DNAJC5: variants seen among roughly 807,000 people sequenced by gnomAD.
DNAJC5 encodes the protein DnaJ heat shock protein family (Hsp40) member C5, also known as dnaJ homolog subfamily C member 5.
Under a neutral mutation model 23.2 loss-of-function variants are expected in DNAJC5, and 1 was observed. The ratio of observed to expected loss-of-function variants is 0.04; its 90% CI spans 0.02 to 0.20. The LOEUF is 0.20. Among genes scored for constraint, DNAJC5 ranks in the 10% least tolerant of loss-of-function variants. DNAJC5 has a pLI of 1.00. For missense variants in DNAJC5, 180 were observed against 267.0 expected (o/e 0.67, Z 2.27); for synonymous variants, 136 against 120.0 (o/e 1.13, Z -0.87).
Position 63,932,719 on chromosome 20 carries a change from C to T in DNAJC5, c.*1151C>T, listed in dbSNP as rs1415336961. ...GGACTGACTGGACCAGAGGGACCCT[C>T]TGGCTCAGGAGGGTTGGGTCCCTGG... On this transcript the variant is annotated 3_prime_UTR_variant, in exon 5 of 5. Transcript: ENST00000360864. The surrounding 1 kb of genome is among the most constrained non-coding windows in gnomAD (Gnocchi z 4.4). The T allele has an allele frequency of 6.6e-6, 1 of 152,428 alleles. No homozygotes were observed. The highest frequency in any genetic ancestry group is 1.9e-4 in the East Asian group (1 of 5,274). The allele number at this position is 152,428 out of a possible 1,614,324, so 9.4% of individuals were successfully genotyped here. A position where few individuals can be genotyped will look rare whatever the true frequency, so the allele number is the denominator to read the frequency against.
rs1211748744 is a variant in DNAJC5, at chr20:63,929,695, TCCTGCCGTGCGGGCGCCCGAGTCA to T, written c.321+172_321+195del. Among the ~76,000 whole-genome samples, 2 of 145,898 alleles carry T rather than the reference TCCTGCCGTGCGGGCGCCCGAGTCA, an allele frequency of 1.4e-5. No individual in the cohort carries two copies. The highest frequency in any genetic ancestry group is 1.5e-5 in the Non-Finnish European group (1 of 66,684). On this transcript the variant is annotated intron_variant, in intron 3 of 4. Transcript: ENST00000360864. This position sits in a 1 kb window ranked among gnomAD's most constrained non-coding sequence, Gnocchi z 8.6. ...CCTGCCGTGCGGGCACCCGAGTCAC[TCCTGCCGTGCGGGCGCCCGAGTCA>T]CTCCTGCCGTGCGGGCACCCGAGTC...
Position 63,932,006 on chromosome 20 carries a change from T to G in DNAJC5, c.*438T>G. ...GGAGGCAGGTGCTGCCTGGCAGAGCTGTGTTACCGTCTTGGCCTCGGGGTC... is the reference window on the plus strand; with the variant it reads ...GGAGGCAGGTGCTGCCTGGCAGAGCGGTGTTACCGTCTTGGCCTCGGGGTC... On this transcript the variant is annotated 3_prime_UTR_variant, in exon 5 of 5. Transcript: ENST00000360864. The surrounding 1 kb of genome is among the most constrained non-coding windows in gnomAD (Gnocchi z 4.4). The G allele has an allele frequency of 3.1e-6, 1 of 327,126 alleles. No individual in the cohort carries two copies. Among genetic ancestry groups the G allele is most frequent in the South Asian group, 2.5e-5 (1 of 39,892 alleles). 20.3% of individuals were successfully genotyped at this position (327,126 alleles called of 1,614,324 possible). A position where few individuals can be genotyped will look rare whatever the true frequency, so the allele number is the denominator to read the frequency against.
intron 1 of DNAJC5, among the ~76,000 whole-genome samples, chr20:63,925,355 T>C (rs1214575113): frequency 1.3e-5 from 2 of 152,112 alleles, no homozygotes; most frequent in Non-Finnish European, 2.9e-5. Flanking sequence ...GTGGTTCGCG[T>C]GCCTGTAGTC....
chr20:63,904,400 AACAG>A (rs1600861379), intron 1 of DNAJC5, among the ~76,000 whole-genome samples: 1 of 152,224 alleles, frequency 6.6e-6, no homozygotes, highest in East Asian at 1.9e-4. Flanking sequence ...CCAGCAGACC[AACAG>A]ACAGACTCAC....
At chr20:63,903,941 C>T (rs1353277416) in intron 1 of DNAJC5, among the ~76,000 whole-genome samples, 1 of 152,092 alleles carries the variant, frequency 6.6e-6, no homozygotes, top group African/African-American at 2.4e-5. Context: ...CAAAAGTTAG[C>T]TGGGCGTGGT....
intron 1 of DNAJC5, among the ~76,000 whole-genome samples, chr20:63,924,397 CT>C (rs1042840028): frequency 8.6e-5 from 13 of 151,950 alleles, no homozygotes; most frequent in African/African-American, 3.1e-4. Flanking sequence ...ATTTCTTTTT[CT>C]TTTTTTGAAA....
Position 63,931,328 on chromosome 20 carries a change from G to C in DNAJC5, c.494-137G>C, listed in dbSNP as rs544519365. The C allele has an allele frequency of 1.1e-6, 1 of 927,332 alleles. No homozygotes were observed. Among genetic ancestry groups the C allele is most frequent in the East Asian group, 2.6e-5 (1 of 38,042 alleles). 57.4% of individuals were successfully genotyped at this position (927,332 alleles called of 1,614,324 possible). A position where few individuals can be genotyped will look rare whatever the true frequency, so the allele number is the denominator to read the frequency against. On this transcript the variant is annotated intron_variant, in intron 4 of 4. Transcript: ENST00000360864. The surrounding 1 kb of genome is among the most constrained non-coding windows in gnomAD (Gnocchi z 9.6). ...TGACCCAAGGCGACGGAGGAAAGCC[G>C]TGTGGGGTGGAGGTCAGCGAGTAGC...
At chr20:63,926,872 C>T (rs1449831486) in intron 1 of DNAJC5, among the ~76,000 whole-genome samples, 1 of 152,210 alleles carries the variant, frequency 6.6e-6, no homozygotes, top group South Asian at 2.1e-4. Flanking sequence ...GGGTGCCCCA[C>T]GATGCAGCAA....
Position 63,929,216 on chromosome 20 carries a change from C to A in DNAJC5, c.108-96C>A. The A allele has an allele frequency of 7.0e-7, 1 of 1,428,212 alleles. No individual in the cohort carries two copies. The highest frequency in any genetic ancestry group is 9.7e-7 in the Non-Finnish European group (1 of 1,035,628). The allele number at this position is 1,428,212 out of a possible 1,614,324, so 88.5% of individuals were successfully genotyped here. On this transcript the variant is annotated intron_variant, in intron 2 of 4. Transcript: ENST00000360864. The surrounding 1 kb of genome is among the most constrained non-coding windows in gnomAD (Gnocchi z 8.6). ...GTGGCCTGGGTGGACCTGCCTTCCA[C>A]TGCACCCGGCAGTGCGTGCGGGTGG...
In DNAJC5 at chr20:63,930,859, T is replaced by C; in HGVS notation, c.330T>C (p.Phe110=). Residue 110 remains phenylalanine (F), a synonymous_variant, in exon 4 of 5, where the codon TTT becomes TTC. Coordinates refer to ENST00000360864, the MANE Select transcript of DNAJC5 (RefSeq NM_025219.3). ...VLSSWWAKAL[F]VFCGLLTCCY... ...CCTTCTTCTCCCCCCAGGCCCTGTTTGTCTTCTGCGGCCTCCTCACGTGCT... is the reference window on the plus strand; with the variant it reads ...CCTTCTTCTCCCCCCAGGCCCTGTTCGTCTTCTGCGGCCTCCTCACGTGCT... 6.2e-7 allele frequency: 1 copy of C among 1,612,962 alleles called. No homozygotes were observed. Among genetic ancestry groups the C allele is most frequent in the Non-Finnish European group, 8.5e-7 (1 of 1,179,956 alleles).
intron 1 of DNAJC5, 104 bp downstream of exon 1, chr20:63,895,427 A>G (rs1188899336): frequency 6.9e-6 from 1 of 145,914 alleles, no homozygotes; most frequent in Non-Finnish European, 1.5e-5. Context: ...CAGAGCCGGA[A>G]ATGGCGGCGA....
chr20:63,899,847 C>CTGGGAT (rs938239195), intron 1 of DNAJC5, among the ~76,000 whole-genome samples: 1 of 145,878 alleles, frequency 6.9e-6, no homozygotes, highest in African/African-American at 2.5e-5. Context: ...TCCCAAAGTG[C>CTGGGAT]TGGGATTGCA....
At chr20:63,918,572 C>T (rs972205867) in intron 1 of DNAJC5, among the ~76,000 whole-genome samples, 5 of 152,162 alleles carry the variant, frequency 3.3e-5, no homozygotes, top group African/African-American at 1.2e-4. Context: ...GGTGTTTATG[C>T]GTCATAATTT....
At chr20:63,921,459 C>T (rs1472430833) in intron 1 of DNAJC5, among the ~76,000 whole-genome samples, 3 of 151,804 alleles carry the variant, frequency 2.0e-5, no homozygotes, top group Non-Finnish European at 2.9e-5. Flanking sequence ...GGCGTGGTGG[C>T]GGGTGCCTGT....
At chr20:63,925,964 A>G (rs2053611219) in intron 1 of DNAJC5, among the ~76,000 whole-genome samples, 1 of 151,384 alleles carries the variant, frequency 6.6e-6, no homozygotes, top group Non-Finnish European at 1.5e-5. Flanking sequence ...AGTAGCTGGG[A>G]CTACAGGTGC....
intron 1 of DNAJC5, among the ~76,000 whole-genome samples, chr20:63,898,955 C>T (rs907134981): frequency 2.6e-5 from 4 of 152,200 alleles, no homozygotes; most frequent in African/African-American, 7.2e-5. Flanking sequence ...GCACCGTCTT[C>T]TGTCAGACAC....
intron 1 of DNAJC5, among the ~76,000 whole-genome samples, chr20:63,909,691 A>G (rs1321502537): frequency 1.3e-5 from 2 of 152,202 alleles, no homozygotes; most frequent in African/African-American, 4.8e-5. Context: ...AAAGAAAGAA[A>G]AAGAAAGAAA....
At chr20:63,907,902 C>A (rs817379) in intron 1 of DNAJC5, among the ~76,000 whole-genome samples, 52,526 of 151,984 alleles carry the variant, frequency 0.35, 10,830 homozygotes, top group East Asian at 0.81. Flanking sequence ...AGTAGCTGGG[C>A]CTACGGGCAT....
rs2053687284 is a variant in DNAJC5 at position 63,933,029 on chromosome 20, G to C, written c.*1461G>C. The C allele has an allele frequency of 6.6e-6, 1 of 152,460 alleles. No homozygotes were observed. Among genetic ancestry groups the C allele is most frequent in the Non-Finnish European group, 1.5e-5 (1 of 68,120 alleles). 9.4% of individuals were successfully genotyped at this position (152,460 alleles called of 1,614,324 possible). A position where few individuals can be genotyped will look rare whatever the true frequency, so the allele number is the denominator to read the frequency against. On this transcript the variant is annotated 3_prime_UTR_variant, in exon 5 of 5. Transcript: ENST00000360864. ...CTCCGTAGCTCATGGGATGTGCTGG[G>C]CCTGCCTTTGGCGCCATGCTGCAGA...
Sources: gnomAD v4.1 joint callset for allele counts (sites outside exome capture counted in the v4.1 genomes callset) on GRCh38, gnomAD v4.1.1 for gene constraint, Gnocchi (gnomAD v3.1) non-coding constraint, MANE v1.5 for transcripts, NCBI Gene and HGNC (gene_info 2026-07-23, HGNC 2026-07-21) for gene names.